Variants in COBLL1 observed in about 807,000 individuals in gnomAD.
COBLL1 encodes cordon-bleu WH2 repeat protein like 1.
COBLL1 carries 50 observed loss-of-function variants against 94.8 expected under a neutral mutation model. The ratio of observed to expected loss-of-function variants is 0.53; its 90% confidence interval spans 0.42 to 0.67. The LOEUF (loss-of-function observed/expected upper bound fraction) is 0.67. Among genes scored for constraint, COBLL1 ranks in the 30% least tolerant of loss-of-function variants. The probability of loss-of-function intolerance (pLI) is 0.00; values close to 1 mark genes in which losing one functional copy is unlikely to be tolerated. For missense variants in COBLL1, 1,362 were observed against 1,348.7 expected, an observed-to-expected ratio of 1.01 and a Z score of -0.15; for synonymous variants, 448 against 473.8, an observed-to-expected ratio of 0.95 and a Z score of 0.71.
intron 4 of COBLL1, among the ~76,000 whole-genome samples, chr2:164,729,062 A>G (rs1685854285): frequency 6.6e-6 from 1 of 151,916 alleles, no homozygotes; most frequent in Non-Finnish European, 1.5e-5. Context: ...TGTAATAAAC[A>G]CCTAGACAGA....
intron 2 of COBLL1, among the ~76,000 whole-genome samples, chr2:164,757,629 G>A (rs1441509280): frequency 3.3e-5 from 5 of 151,952 alleles, no homozygotes; most frequent in Admixed American, 2.6e-4. Context: ...GATATGGGAT[G>A]GGAAAATATA....
rs1416944614 is a variant in COBLL1 at position 164,811,169 on chromosome 2, C to T, written c.41+29987G>A. ...AACAAGTTTAAGACACACCTTAAAA[C>T]TATTTTGTTTACATGTTTCTTCTCA... On this transcript the variant is annotated intron_variant, in intron 2 of 13. Coordinates refer to ENST00000652658, the MANE Select transcript of COBLL1 (RefSeq NM_001365672.2). Among the ~76,000 whole-genome samples the T allele has an allele frequency of 2.6e-5, 4 of 151,824 alleles. No individual in the cohort carries two copies. In the East Asian group the frequency reaches 7.7e-4, roughly 29 times the overall value.
chr2:164,712,747 TGTGA>T (rs138070149), intron 7 of COBLL1, among the ~76,000 whole-genome samples: 5,479 of 152,138 alleles, frequency 0.036, 318 homozygotes, highest in African/African-American at 0.12. Context: ...CAAAATAAGC[TGTGA>T]GTTTTTATCA....
chr2:164,764,512 C>T (rs1201049815), intron 2 of COBLL1, among the ~76,000 whole-genome samples: 3 of 152,122 alleles, frequency 2.0e-5, no homozygotes, highest in Non-Finnish European at 2.9e-5. Context: ...TCCACTTGAA[C>T]GTCATCACCC....
At chr2:164,773,899 T>C (rs1390546540) in intron 2 of COBLL1, 1 of 214,624 alleles carries the variant, frequency 4.7e-6, no homozygotes, top group African/African-American at 2.4e-5. Context: ...ATTCTGGGAA[T>C]AATCATGTTA....
At chr2:164,694,123 A>G (rs1418541411) in intron 12 of COBLL1, 146 bp downstream of exon 12, 2 of 761,970 alleles carry the variant, frequency 2.6e-6, no homozygotes, top group African/African-American at 3.5e-5. Flanking sequence ...GATTTTATGT[A>G]TCACCACTCT....
At chr2:164,690,184 C>T (rs1425349861) in intron 13 of COBLL1, among the ~76,000 whole-genome samples, 3 of 151,812 alleles carry the variant, frequency 2.0e-5, no homozygotes, top group Admixed American at 1.3e-4. Context: ...TTTTAGGGTA[C>T]GTAACTAGAA....
intron 2 of COBLL1, among the ~76,000 whole-genome samples, chr2:164,805,315 C>G (rs866263310): frequency 0.011 from 406 of 36,658 alleles, 53 homozygotes; most frequent in Non-Finnish European, 0.016. Context: ...CTCTCTCTCT[C>G]TCTCTCTCTC....
At chr2:164,661,955 A>G (rs1416115122) in intron 2 of COBLL1, among the ~76,000 whole-genome samples, 1 of 152,166 alleles carries the variant, frequency 6.6e-6, no homozygotes, top group Non-Finnish European at 1.5e-5. Context: ...TGCTCTTTTG[A>G]GCTTCCTAAT....
chr2:164,669,949 A>G (rs1313876222), intron 1 of COBLL1, among the ~76,000 whole-genome samples: 8 of 152,186 alleles, frequency 5.3e-5, no homozygotes, highest in Non-Finnish European at 8.8e-5. Flanking sequence ...TCTGTATTGC[A>G]CCAACTCCAA....
intron 2 of COBLL1, among the ~76,000 whole-genome samples, chr2:164,777,934 A>G (rs1443272530): frequency 6.6e-6 from 1 of 152,216 alleles, no homozygotes; most frequent in Admixed American, 6.5e-5. Flanking sequence ...ATGTTGTCAA[A>G]TAATTTGCCC....
intron 2 of COBLL1, among the ~76,000 whole-genome samples, chr2:164,658,488 A>G (rs1043578262): frequency 6.6e-6 from 1 of 152,186 alleles, no homozygotes; most frequent in Admixed American, 6.5e-5. Flanking sequence ...GTAGTTTTAC[A>G]GCTTTGATTC....
At chr2:164,808,438 C>T (rs916202028) in intron 2 of COBLL1, among the ~76,000 whole-genome samples, 3 of 152,066 alleles carry the variant, frequency 2.0e-5, no homozygotes, top group Non-Finnish European at 2.9e-5. Flanking sequence ...CAGTGCTTAC[C>T]GTTAGTCCAA....
At chr2:164,833,611 C>T (rs1574673152) in intron 2 of COBLL1, among the ~76,000 whole-genome samples, 2 of 151,834 alleles carry the variant, frequency 1.3e-5, no homozygotes, top group African/African-American at 2.4e-5. Flanking sequence ...CCACCACGCC[C>T]GGCTAATTTT....
At chr2:164,661,266 TA>T (rs1385082244) in intron 2 of COBLL1, among the ~76,000 whole-genome samples, 1 of 152,060 alleles carries the variant, frequency 6.6e-6, no homozygotes. Flanking sequence ...AAAAAAATGA[TA>T]ACCAGCTATG....
intron 2 of COBLL1, among the ~76,000 whole-genome samples, chr2:164,816,083 A>C (rs1684729474): frequency 6.6e-6 from 1 of 152,110 alleles, no homozygotes; most frequent in African/African-American, 2.4e-5. Context: ...ACAGAAGGTA[A>C]TATATACTCT....
At position 164,681,125 on chromosome 2, in the gene COBLL1, T is replaced by C. The variant is rs1007005923; in HGVS notation, c.*4821A>G. 1 of 152,214 alleles carries C rather than the reference T, an allele frequency of 6.6e-6. No individual in the cohort carries two copies. Among genetic ancestry groups the C allele is most frequent in the African/African-American group, 2.4e-5 (1 of 41,452 alleles). The allele number at this position is 152,214 out of a possible 1,614,324, so 9.4% of individuals were successfully genotyped here. On this transcript the variant is annotated 3_prime_UTR_variant, in exon 14 of 14. Transcript: ENST00000652658. ...ATTTATGATTAGGGTTAGAGTCATA[T>C]GTGTATGGTTTGTTTAACAGGGTGT...
intron 2 of COBLL1, among the ~76,000 whole-genome samples, chr2:164,789,899 T>A (rs938620636): frequency 3.3e-5 from 5 of 152,228 alleles, no homozygotes; most frequent in African/African-American, 1.2e-4. Flanking sequence ...TTGGACTGAT[T>A]ACGAACACGT....
chr2:164,801,438 CAAAAAAAAAAAAA>C (rs143505097), intron 2 of COBLL1, among the ~76,000 whole-genome samples: 10 of 28,210 alleles, frequency 3.5e-4, no homozygotes, highest in Non-Finnish European at 4.4e-4. Context: ...GACTCCGTCT[CAAAAAAAAAAAAA>C]AAAAAAAAAA....
Sources: allele counts gnomAD v4.1 joint callset (sites outside exome capture counted in the v4.1 genomes callset), GRCh38; gene constraint gnomAD v4.1.1; transcripts MANE v1.5; gene names NCBI Gene and HGNC (gene_info 2026-07-23, HGNC 2026-07-21).